The following BORCS8 variants were observed in gnomAD, a reference collection of about 807,000 sequenced individuals.
The protein encoded by BORCS8 is BLOC-1-related complex subunit 8.
BORCS8 carries 13 observed loss-of-function variants against 18.7 expected under a neutral mutation model. The observed-to-expected ratio is 0.70, with a 90% CI of 0.45 to 1.11. The LOEUF (loss-of-function observed/expected upper bound fraction) is 1.11. BORCS8 is among the 50% of genes least tolerant of loss of function. The pLI, the probability that BORCS8 is intolerant of heterozygous loss-of-function variation, is 0.00. For synonymous variants in BORCS8, 68 were observed against 64.8 expected (o/e 1.05, Z -0.24); for missense variants, 165 against 165.7 (o/e 1.00, Z 0.02).
intron 1 of BORCS8, among the ~76,000 whole-genome samples, chr19:19,190,398 A>C (rs2060454550): frequency 6.6e-6 from 1 of 152,184 alleles, no homozygotes; most frequent in Admixed American, 6.5e-5. Flanking sequence ...GGCTAACACA[A>C]GTCTCTCCAT....
chr19:19,178,151 C>T (rs3819578), intron 5 of BORCS8: 23,882 of 152,218 alleles, frequency 0.16, 2,090 homozygotes, highest in East Asian at 0.37. Flanking sequence ...GGGCCAGGGA[C>T]TTGATAGGTG....
At position 19,192,139 on chromosome 19, in the gene BORCS8, C is replaced by T. The variant is rs1171754243; in HGVS notation, c.-22G>A. Reference sequence around the variant, plus strand: ...CCATAGCGACCGCGGCCGAGCGAACCGGGAAACGGCACCGGAAGCCCGGAG... The same window carrying T: ...CCATAGCGACCGCGGCCGAGCGAACTGGGAAACGGCACCGGAAGCCCGGAG... On this transcript the variant is annotated 5_prime_UTR_variant, in exon 1 of 6. Transcript: ENST00000462790. 2.6e-6 allele frequency: 4 copies of T among 1,551,136 alleles called. No individual in the cohort carries two copies. The highest frequency in any genetic ancestry group is 2.6e-6 in the Non-Finnish European group (3 of 1,146,872).
intron 2 of BORCS8, 128 bp from the exon 3 acceptor site, chr19:19,186,226 T>A: frequency 2.3e-6 from 2 of 854,490 alleles, no homozygotes; most frequent in Admixed American, 4.2e-5. Flanking sequence ...CTCCTGCAAC[T>A]CCCTTCCCTC....
chr19:19,184,710 C>T (rs1486989910), intron 3 of BORCS8, among the ~76,000 whole-genome samples: 1 of 152,172 alleles, frequency 6.6e-6, no homozygotes, highest in Non-Finnish European at 1.5e-5. Flanking sequence ...AGCAATCCTC[C>T]CACCTCAGCA....
chr19:19,185,498 C>T (rs1394580748), intron 3 of BORCS8, among the ~76,000 whole-genome samples: 1 of 152,136 alleles, frequency 6.6e-6, no homozygotes, highest in Non-Finnish European at 1.5e-5. Context: ...CCAGCCTGGC[C>T]AACATGGCGA....
At chr19:19,180,542 C>A in intron 5 of BORCS8, 144 bp downstream of exon 5, 1 of 667,826 alleles carries the variant, frequency 1.5e-6, no homozygotes, top group Non-Finnish European at 2.7e-6. Flanking sequence ...AGACACCCCT[C>A]CACCTGCCAC....
At position 19,186,171 on chromosome 19, in the gene BORCS8, G is replaced by A. The variant is rs1206922745; in HGVS notation, c.151-73C>T. The A allele has an allele frequency of 3.6e-6, 5 of 1,405,162 alleles. No homozygotes were observed. In the Admixed American group the frequency reaches 5.9e-5, roughly 17 times the overall value. 87.0% of individuals were successfully genotyped at this position (1,405,162 alleles called of 1,614,324 possible). A position where few individuals can be genotyped will look rare whatever the true frequency, so the allele number is the denominator to read the frequency against. ...AGAGGGCCTTCCTCCCAGCTCTCTT[G>A]GTTGGGGCTCTCCTGAGTCCTCATG... On this transcript the variant is annotated intron_variant, in intron 2 of 5. Transcript: ENST00000462790.
chr19:19,185,934 A>T, intron 3 of BORCS8, 100 bp downstream of exon 3: 1 of 1,224,736 alleles, frequency 8.2e-7, no homozygotes, highest in Non-Finnish European at 1.2e-6. Flanking sequence ...TAGGCCTGGC[A>T]GGGTGGGGCT....
At chr19:19,190,183 A>G (rs2060451649) in intron 1 of BORCS8, among the ~76,000 whole-genome samples, 1 of 152,140 alleles carries the variant, frequency 6.6e-6, no homozygotes, top group African/African-American at 2.4e-5. Context: ...CTTAATACCA[A>G]TTTCAACTGA....
At chr19:19,188,335 T>C (rs1473178732) in intron 1 of BORCS8, among the ~76,000 whole-genome samples, 2 of 151,886 alleles carry the variant, frequency 1.3e-5, no homozygotes, top group Non-Finnish European at 2.9e-5. Flanking sequence ...GCTCATTTTT[T>C]AAAATAGAGA....
intron 4 of BORCS8, 37 bp from the exon 5 acceptor site, chr19:19,180,798 G>T: frequency 1.3e-6 from 2 of 1,526,538 alleles, no homozygotes; most frequent in Non-Finnish European, 1.8e-6. Flanking sequence ...TGAGGCCAAG[G>T]TCAGAGGCCA....
intron 5 of BORCS8, 165 bp downstream of exon 5, chr19:19,180,521 T>G: frequency 1.6e-6 from 1 of 637,242 alleles, no homozygotes; most frequent in South Asian, 1.8e-5. Context: ...GGTGGAACAT[T>G]CTGGACCTGC....
chr19:19,184,907 T>C (rs1187980968), intron 3 of BORCS8, among the ~76,000 whole-genome samples: 1 of 152,096 alleles, frequency 6.6e-6, no homozygotes, highest in African/African-American at 2.4e-5. Context: ...GCCGTATTTC[T>C]TTCTTCTTTA....
At chr19:19,185,304 C>A (rs573668215) in intron 3 of BORCS8, among the ~76,000 whole-genome samples, 1 of 152,336 alleles carries the variant, frequency 6.6e-6, no homozygotes, top group Non-Finnish European at 1.5e-5. Context: ...CCAAGGCCAA[C>A]TGGGCAACCC....
chr19:19,190,860 C>A (rs1179178390), intron 1 of BORCS8, among the ~76,000 whole-genome samples: 2 of 152,132 alleles, frequency 1.3e-5, no homozygotes, highest in African/African-American at 2.4e-5. Context: ...ATACTCATGC[C>A]CTCCGTTATC....
Position 19,180,774 on chromosome 19 carries a change from A to G in BORCS8, c.327-13T>C. ...TGGTTCCTCCGGGCTGCAACAAAACATGTGCAGCATCCATGAGGCCAAGGT... is the reference window on the plus strand; with the variant it reads ...TGGTTCCTCCGGGCTGCAACAAAACGTGTGCAGCATCCATGAGGCCAAGGT... On this transcript the variant is annotated splice_polypyrimidine_tract_variant and intron_variant, in intron 4 of 5. Transcript: ENST00000462790. The G allele has an allele frequency of 6.5e-7, 1 of 1,543,754 alleles. No individual in the cohort carries two copies. Among genetic ancestry groups the G allele is most frequent in the Non-Finnish European group, 8.7e-7 (1 of 1,143,046 alleles).
rs961318846 is a variant in BORCS8, at chr19:19,192,107, G to A, written c.11C>T (p.Pro4Leu). 15 of 1,551,182 alleles carry A rather than the reference G, an allele frequency of 9.7e-6. No homozygotes were observed. The highest frequency in any genetic ancestry group is 3.9e-5 in the Admixed American group (2 of 50,968). Reference protein sequence around the residue: MEEPEMQLKGKKVT... With the variant: MEELEMQLKGKKVT... ...TTTCTTCCCCTTGAGCTGCATCTCC[G>A]GCTCCTCCATAGCGACCGCGGCCGA... The change falls in exon 1 of 6, where the codon CCG becomes CTG. Residue 4 changes from proline to leucine, a missense_variant. Pro to Leu is a moderately conservative substitution (Grantham distance 98). Coordinates refer to ENST00000462790, the MANE Select transcript of BORCS8 (RefSeq NM_001145784.2).
intron 1 of BORCS8, 67 bp from the exon 2 acceptor site, chr19:19,187,072 G>C (rs1440304838): frequency 2.4e-6 from 3 of 1,268,772 alleles, no homozygotes; most frequent in Non-Finnish European, 3.3e-6. Flanking sequence ...CATTGCTCAA[G>C]TGTTGAGCCC....
chr19:19,190,714 G>C (rs1271815938), intron 1 of BORCS8, among the ~76,000 whole-genome samples: 1 of 152,080 alleles, frequency 6.6e-6, no homozygotes, highest in Non-Finnish European at 1.5e-5. Flanking sequence ...CTTGAACCCG[G>C]GAGGCGGAGG....
Sources: allele counts gnomAD v4.1 joint callset (sites outside exome capture counted in the v4.1 genomes callset), GRCh38; gene constraint gnomAD v4.1.1; transcripts MANE v1.5; gene names NCBI Gene and HGNC (gene_info 2026-07-23, HGNC 2026-07-21).